Variants in FA2H observed in about 807,000 individuals in gnomAD.
The protein encoded by FA2H is fatty acid 2-hydroxylase.
In FA2H, 22 loss-of-function variants were observed where a neutral mutation model predicts 44.9. That is an observed-to-expected ratio of 0.49 (90% CI 0.35 to 0.70). FA2H has a LOEUF of 0.70. Among genes scored for constraint, FA2H ranks in the 30% least tolerant of loss-of-function variants. The pLI is 0.01. For synonymous variants in FA2H, 243 were observed against 213.2 expected (o/e 1.14, Z -1.22); for missense variants, 501 against 504.9 (o/e 0.99, Z 0.07).
At chr16:74,742,773 G>A (rs1962339838) in intron 1 of FA2H, among the ~76,000 whole-genome samples, 1 of 152,180 alleles carries the variant, frequency 6.6e-6, no homozygotes, top group Non-Finnish European at 1.5e-5. Flanking sequence ...AGGAGGTTGA[G>A]GCTATGAGTG....
intron 1 of FA2H, among the ~76,000 whole-genome samples, chr16:74,750,583 T>G (rs1962509662): frequency 6.6e-6 from 1 of 152,058 alleles, no homozygotes; most frequent in Non-Finnish European, 1.5e-5. Context: ...CCCTCATACC[T>G]CCTACTTCTT....
At chr16:74,733,841 C>T (rs895284547) in intron 2 of FA2H, among the ~76,000 whole-genome samples, 9 of 152,246 alleles carry the variant, frequency 5.9e-5, no homozygotes, top group African/African-American at 4.8e-5. Flanking sequence ...CGCCTGCCCC[C>T]GCTCACCACA....
At chr16:74,731,050 C>A (rs1962061669) in intron 2 of FA2H, among the ~76,000 whole-genome samples, 1 of 152,146 alleles carries the variant, frequency 6.6e-6, no homozygotes, top group South Asian at 2.1e-4. Flanking sequence ...CCTGTTTTCC[C>A]ATACTTTTAC....
At chr16:74,767,881 T>C (rs1485965971) in intron 1 of FA2H, among the ~76,000 whole-genome samples, 1 of 151,888 alleles carries the variant, frequency 6.6e-6, no homozygotes, top group Non-Finnish European at 1.5e-5. Flanking sequence ...GTGAAGAAAG[T>C]GTACTGGAGG....
intron 1 of FA2H, among the ~76,000 whole-genome samples, chr16:74,770,123 A>G (rs542914600): frequency 1.3e-5 from 2 of 152,280 alleles, no homozygotes; most frequent in Non-Finnish European, 2.9e-5. Context: ...CGAGCCCCAA[A>G]CAACAGAGCT....
chr16:74,719,298 T>C, intron 4 of FA2H, 138 bp from the exon 5 acceptor site: 1 of 723,352 alleles, frequency 1.4e-6, no homozygotes, highest in Non-Finnish European at 2.3e-6. Flanking sequence ...GCCATACTGC[T>C]GGGGTCCTTG....
chr16:74,774,591 G>GC lies in FA2H; in HGVS notation c.164dup (p.Gln56ProfsTer46). The GC allele has an allele frequency of 6.6e-7, 1 of 1,526,440 alleles. No homozygotes were observed. Among genetic ancestry groups the GC allele is most frequent in the African/African-American group, 1.4e-5 (1 of 70,940 alleles). The allele number at this position is 1,526,440 out of a possible 1,614,324, so 94.6% of individuals were successfully genotyped here. On this transcript the variant is annotated frameshift_variant, in exon 1 of 7. Transcript: ENST00000219368. LOFTEE classifies it high-confidence loss of function. ...CGTCCAGGTCGGCGCTGATGTCCTG[G>GC]CCCGCCCTGGCCCGCAGCAGCTGCT...
rs774231502 is a variant in FA2H, at chr16:74,727,287, G to A, written c.463C>T (p.Leu155Phe). 1 of 1,614,188 alleles carries A rather than the reference G, an allele frequency of 6.2e-7. No homozygotes were observed. The highest frequency in any genetic ancestry group is 1.3e-5 in the African/African-American group (1 of 75,066). ...VHQPVTRPIR[L>F]FHSDLIEGLS... Reference sequence around the variant, plus strand: ...CCCTCAATGAGGTCTGAGTGGAAGAGGCGGATGGGCCTGGTCACCGGCTGG... The same window carrying A: ...CCCTCAATGAGGTCTGAGTGGAAGAAGCGGATGGGCCTGGTCACCGGCTGG... Residue 155 changes from leucine (L) to phenylalanine (F), a missense_variant, in exon 3 of 7, where the codon CTC becomes TTC. Leu to Phe is a conservative substitution (Grantham distance 22). Coordinates refer to ENST00000219368, the MANE Select transcript of FA2H (RefSeq NM_024306.5).
chr16:74,774,431 A>G (rs1042412729), intron 1 of FA2H, 55 bp downstream of exon 1: 5 of 1,451,676 alleles, frequency 3.4e-6, no homozygotes, highest in Admixed American at 2.4e-5. Context: ...CTCGCCCGGG[A>G]GTGGAAGGCT....
chr16:74,774,062 T>G (rs1345285022), intron 1 of FA2H, among the ~76,000 whole-genome samples: 1 of 151,990 alleles, frequency 6.6e-6, no homozygotes, highest in Non-Finnish European at 1.5e-5. Flanking sequence ...GGGAACAGGT[T>G]GAGCCCATTA....
intron 4 of FA2H, among the ~76,000 whole-genome samples, chr16:74,721,412 C>G (rs1410117442): frequency 6.6e-6 from 1 of 152,200 alleles, no homozygotes; most frequent in Admixed American, 6.5e-5. Flanking sequence ...AAATGATCCA[C>G]CCACCTTGGC....
chr16:74,715,978 G>A (rs1212668606), intron 6 of FA2H, among the ~76,000 whole-genome samples: 8 of 151,912 alleles, frequency 5.3e-5, no homozygotes, highest in Admixed American at 6.6e-5. Flanking sequence ...ACCACACCCC[G>A]CTAATTTTTG....
intron 4 of FA2H, among the ~76,000 whole-genome samples, chr16:74,720,040 C>T (rs1961797152): frequency 6.6e-6 from 1 of 152,114 alleles, no homozygotes; most frequent in African/African-American, 2.4e-5. Context: ...GCACCATCTT[C>T]AAGCACATGC....
chr16:74,745,050 T>C (rs1962393110), intron 1 of FA2H, among the ~76,000 whole-genome samples: 1 of 152,190 alleles, frequency 6.6e-6, no homozygotes, highest in South Asian at 2.1e-4. Flanking sequence ...TGCTTTCTTG[T>C]ACCCTGAGGC....
At chr16:74,719,928 C>T (rs1961794009) in intron 4 of FA2H, among the ~76,000 whole-genome samples, 1 of 151,864 alleles carries the variant, frequency 6.6e-6, no homozygotes, top group Middle Eastern at 3.2e-3. Context: ...AAAACAAGCA[C>T]CGAGATCTCA....
chr16:74,740,775 G>C (rs1458487030), intron 1 of FA2H, among the ~76,000 whole-genome samples: 1 of 152,110 alleles, frequency 6.6e-6, no homozygotes, highest in East Asian at 1.9e-4. Context: ...TCCGGGAAAG[G>C]GGTCCCTGCC....
At chr16:74,738,386 T>G (rs1462852811) in intron 2 of FA2H, among the ~76,000 whole-genome samples, 7 of 152,050 alleles carry the variant, frequency 4.6e-5, no homozygotes, top group Non-Finnish European at 7.4e-5. Flanking sequence ...TCCCCTTGCC[T>G]CCTGCAGTGA....
At chr16:74,721,704 A>T (rs1961843415) in intron 4 of FA2H, among the ~76,000 whole-genome samples, 2 of 151,554 alleles carry the variant, frequency 1.3e-5, no homozygotes, top group African/African-American at 4.9e-5. Flanking sequence ...AACACGCTCT[A>T]CTCCCCTTTA....
chr16:74,717,428 C>G (rs796483117), intron 5 of FA2H, among the ~76,000 whole-genome samples: 2 of 152,118 alleles, frequency 1.3e-5, no homozygotes, highest in Non-Finnish European at 2.9e-5. Context: ...AGGGAGAGAG[C>G]TGGGGAATGA....
Sources: gnomAD v4.1 joint callset for allele counts (sites outside exome capture counted in the v4.1 genomes callset) on GRCh38, gnomAD v4.1.1 for gene constraint, MANE v1.5 for transcripts, NCBI Gene and HGNC (gene_info 2026-07-23, HGNC 2026-07-21) for gene names.